Variants in ADAMTS20 observed in about 807,000 individuals in gnomAD.
ADAMTS20 encodes the protein A disintegrin and metalloproteinase with thrombospondin motifs 20.
ADAMTS20 carries 225 observed loss-of-function variants against 260.1 expected under a neutral mutation model. That is an observed-to-expected ratio of 0.87 (90% CI 0.78 to 0.97). The LOEUF is 0.97. Ranked by LOEUF, ADAMTS20 falls within the 50% of genes least tolerant of loss-of-function variation. ADAMTS20 has a pLI of 0.00. For missense variants in ADAMTS20, 2,400 were observed against 2,337.7 expected, an observed-to-expected ratio of 1.03 and a Z score of -0.55; for synonymous variants, 802 against 769.5, an observed-to-expected ratio of 1.04 and a Z score of -0.70.
chr12:43,537,802 A>G (rs1436519624), intron 2 of ADAMTS20, among the ~76,000 whole-genome samples: 1 of 152,190 alleles, frequency 6.6e-6, no homozygotes, highest in Non-Finnish European at 1.5e-5. Context: ...TTCATTTAAC[A>G]TAATGATCTC....
At chr12:43,420,049 C>T (rs11182062) in intron 28 of ADAMTS20, among the ~76,000 whole-genome samples, 13,173 of 152,168 alleles carry the variant, frequency 0.087, 1,016 homozygotes, top group East Asian at 0.46. Flanking sequence ...CTAGTTTAGG[C>T]TTTGTAGAAG....
intron 3 of ADAMTS20, among the ~76,000 whole-genome samples, chr12:43,510,751 A>G (rs17616089): frequency 0.071 from 10,807 of 152,188 alleles, 604 homozygotes; most frequent in Non-Finnish European, 0.096. Context: ...AACACTTGAA[A>G]ATTACAAACA....
In ADAMTS20 at chr12:43,502,191, T is replaced by C; in HGVS notation, c.828A>G (p.Gly276=). The change falls in exon 4 of 39, where the codon GGA becomes GGG. Residue 276 remains glycine, a synonymous_variant. Transcript: ENST00000389420. The part of the protein sequence containing the change: ...TADAKVVSAH[G]SNLQNYILTL... ...TCAGTATATAGTTTTGCAAATTCGA[T>C]CCATGAGCAGAAACCACTTTAGCAT... is the stretch of plus-strand genomic sequence containing the variant. The C allele has an allele frequency of 1.9e-6, 3 of 1,607,876 alleles. No homozygotes were observed. Among genetic ancestry groups the C allele is most frequent in the Non-Finnish European group, 2.5e-6 (3 of 1,177,578 alleles).
chr12:43,508,412 C>T (rs1942875541), intron 3 of ADAMTS20, among the ~76,000 whole-genome samples: 1 of 151,882 alleles, frequency 6.6e-6, no homozygotes, highest in African/African-American at 2.4e-5. Flanking sequence ...GAAATAAAAA[C>T]AAATAAAAGG....
At chr12:43,396,488 A>G (rs1308352274) in intron 29 of ADAMTS20, among the ~76,000 whole-genome samples, 1 of 152,140 alleles carries the variant, frequency 6.6e-6, no homozygotes, top group Non-Finnish European at 1.5e-5. Context: ...TGCAATTGTT[A>G]ACTTCGTGTG....
intron 31 of ADAMTS20, among the ~76,000 whole-genome samples, chr12:43,378,681 T>C (rs1940282921): frequency 1.3e-5 from 2 of 152,162 alleles, no homozygotes; most frequent in African/African-American, 4.8e-5. Context: ...ATGGCTGACA[T>C]GCAACAGAAA....
intron 2 of ADAMTS20, among the ~76,000 whole-genome samples, chr12:43,549,613 T>C (rs1943486054): frequency 6.6e-6 from 1 of 152,170 alleles, no homozygotes; most frequent in Non-Finnish European, 1.5e-5. Flanking sequence ...GTCTAGGATT[T>C]TCCAGACAAA....
intron 19 of ADAMTS20, chr12:43,433,706 AC>A: frequency 7.8e-3 from 3 of 386 alleles, no homozygotes; most frequent in East Asian, 0.1. Flanking sequence ...ACACACAAAC[AC>A]ACACACACAC....
intron 37 of ADAMTS20, among the ~76,000 whole-genome samples, chr12:43,360,982 T>C (rs1592024565): frequency 1.3e-5 from 2 of 152,374 alleles, no homozygotes; most frequent in East Asian, 3.9e-4. Flanking sequence ...CACATTACTT[T>C]TGTTTTTTAA....
chr12:43,429,723 C>T lies in ADAMTS20; in HGVS notation c.3383G>A (p.Ser1128Asn). 4.5e-6 allele frequency: 7 copies of T among 1,557,980 alleles called. No homozygotes were observed. The highest frequency in any genetic ancestry group is 6.1e-6 in the Non-Finnish European group (7 of 1,150,990). ...HEASRPSDRQ[S>N]CVLTPCSFIS... ...AAATGAGCAAGGTGTAAGTACACAGCTCTGTTCAGAAGAAAAATGGTTCTC... is the reference window on the plus strand; with the variant it reads ...AAATGAGCAAGGTGTAAGTACACAGTTCTGTTCAGAAGAAAAATGGTTCTC... Residue 1128 changes from serine (S) to asparagine (N), a missense_variant and splice_region_variant, in exon 24 of 39, where the codon AGC becomes AAC. Physicochemically the swap from Ser to Asn is conservative, Grantham distance 46 (BLOSUM62 1). Coordinates refer to ENST00000389420, the MANE Select transcript of ADAMTS20 (RefSeq NM_025003.5).
chr12:43,512,275 G>T lies in ADAMTS20; in HGVS notation c.614-9870C>A, dbSNP rs940372905. On this transcript the variant is annotated intron_variant, in intron 3 of 38. Transcript: ENST00000389420. ...AAGTGAGGAACAAGAAGGTTAAACTGCCTATTGTAATATAACTAATAAAAT... is the reference window on the plus strand; with the variant it reads ...AAGTGAGGAACAAGAAGGTTAAACTTCCTATTGTAATATAACTAATAAAAT... Among the ~76,000 whole-genome samples, 18 of 148,912 alleles carry T rather than the reference G, an allele frequency of 1.2e-4. 1 individual carries two copies. The highest frequency in any genetic ancestry group is 4.2e-4 in the African/African-American group (17 of 40,902).
intron 28 of ADAMTS20, among the ~76,000 whole-genome samples, chr12:43,409,924 T>C (rs1941000644): frequency 6.6e-6 from 1 of 152,104 alleles, no homozygotes; most frequent in Non-Finnish European, 1.5e-5. Flanking sequence ...AGGGAAGGAA[T>C]CAGAATGCAT....
chr12:43,415,372 A>T (rs946680264), intron 28 of ADAMTS20, among the ~76,000 whole-genome samples: 2 of 151,970 alleles, frequency 1.3e-5, no homozygotes, highest in African/African-American at 4.8e-5. Context: ...AAAAAAAGCA[A>T]CTCCAGTCCA....
At chr12:43,442,570 T>C (rs1054009287) in intron 16 of ADAMTS20, among the ~76,000 whole-genome samples, 3 of 152,202 alleles carry the variant, frequency 2.0e-5, no homozygotes, top group Non-Finnish European at 2.9e-5. Context: ...CATTTCTAAT[T>C]TTTAAAGTTG....
Position 43,463,003 on chromosome 12 carries a change from C to G in ADAMTS20, c.1510-4G>C. Reference sequence around the variant, plus strand: ...ACCACAGATGCATGCATATATTCTCCTGAGTAACAAAAGGCAGGCAAGCCA... The same window carrying G: ...ACCACAGATGCATGCATATATTCTCGTGAGTAACAAAAGGCAGGCAAGCCA... On this transcript the variant is annotated splice_polypyrimidine_tract_variant and splice_region_variant and intron_variant, in intron 10 of 38. Coordinates refer to ENST00000389420, the MANE Select transcript of ADAMTS20 (RefSeq NM_025003.5). 6.3e-7 allele frequency: 1 copy of G among 1,593,316 alleles called. No individual in the cohort carries two copies. Among genetic ancestry groups the G allele is most frequent in the South Asian group, 1.1e-5 (1 of 87,912 alleles).
At chr12:43,450,207 G>GTA (rs1444079457) in intron 14 of ADAMTS20, among the ~76,000 whole-genome samples, 6 of 152,076 alleles carry the variant, frequency 3.9e-5, no homozygotes, top group African/African-American at 1.4e-4. Flanking sequence ...GAATATACAA[G>GTA]TAGATGGCTT....
At chr12:43,519,373 C>T (rs959013844) in intron 3 of ADAMTS20, among the ~76,000 whole-genome samples, 2 of 152,118 alleles carry the variant, frequency 1.3e-5, no homozygotes, top group African/African-American at 4.8e-5. Flanking sequence ...TTTCCTACAA[C>T]CCTCTTTCCT....
Position 43,502,167 on chromosome 12 carries a change from C to T in ADAMTS20, c.852G>A (p.Leu284=). The T allele has an allele frequency of 3.8e-6, 6 of 1,579,522 alleles. No homozygotes were observed. The highest frequency in any genetic ancestry group is 5.1e-6 in the Non-Finnish European group (6 of 1,167,592). Reference sequence around the variant, plus strand: ...GTTTACTTACAATTGACATTAGAGTCAGTATATAGTTTTGCAAATTCGATC... The same window carrying T: ...GTTTACTTACAATTGACATTAGAGTTAGTATATAGTTTTGCAAATTCGATC... ...AHGSNLQNYI[L]TLMSIVATIY... The change falls in exon 4 of 39, where the codon CTG becomes CTA. Residue 284 remains leucine (L), a synonymous_variant. Coordinates refer to ENST00000389420, the MANE Select transcript of ADAMTS20 (RefSeq NM_025003.5).
In ADAMTS20 at chr12:43,551,133, G is replaced by T. The variant is rs1206429138; in HGVS notation, c.229C>A (p.Arg77=). 2 of 1,613,928 alleles carry T rather than the reference G, an allele frequency of 1.2e-6. No homozygotes were observed. Among genetic ancestry groups the T allele is most frequent in the Admixed American group, 3.3e-5 (2 of 60,026 alleles). ...TAGGCAGTGAAGCGATAGTGGGTTCGGAACGGCATGGGTTCCAGCGCCTCG... is the reference window on the plus strand; with the variant it reads ...TAGGCAGTGAAGCGATAGTGGGTTCTGAACGGCATGGGTTCCAGCGCCTCG... ...SSEALEPMPF[R]THYRFTAYGQ... Residue 77 remains arginine (R), a synonymous_variant, in exon 2 of 39, where the codon CGA becomes AGA. Transcript: ENST00000389420. The surrounding 1 kb of genome is among the most constrained non-coding windows in gnomAD (Gnocchi z 4.6).
Sources: allele counts gnomAD v4.1 joint callset (sites outside exome capture counted in the v4.1 genomes callset), GRCh38; gene constraint gnomAD v4.1.1; non-coding constraint Gnocchi (gnomAD v3.1); transcripts MANE v1.5; gene names NCBI Gene and HGNC (gene_info 2026-07-23, HGNC 2026-07-21).